NEK3: variants seen among roughly 807,000 people sequenced by gnomAD.
The protein encoded by NEK3 is serine/threonine-protein kinase Nek3.
A neutral mutation model predicts 66.0 loss-of-function variants in NEK3; 54 were observed. The ratio of observed to expected loss-of-function variants is 0.82; its 90% confidence interval spans 0.66 to 1.03. The LOEUF (loss-of-function observed/expected upper bound fraction) is 1.03, where lower values mean the gene tolerates loss of function less well. Ranked by LOEUF, NEK3 falls within the 50% of genes least tolerant of loss-of-function variation. NEK3 has a pLI of 0.00. For synonymous variants in NEK3, 200 were observed against 206.2 expected, an observed-to-expected ratio of 0.97 and a Z score of 0.26; for missense variants, 593 against 603.0, an observed-to-expected ratio of 0.98 and a Z score of 0.17.
chr13:52,145,609 G>T lies in NEK3; in HGVS notation c.604-718C>A, dbSNP rs73500185. ...ATTACACGCATGAGGCACTGCACCT[G>T]GCCAGACTTTTCCAATTTTAAACTT... On this transcript the variant is annotated intron_variant, in intron 8 of 15. Transcript: ENST00000610828. 1.8e-3 allele frequency among the ~76,000 whole-genome samples: 275 copies of T among 152,244 alleles called. 1 individual carries two copies. Among genetic ancestry groups the T allele is most frequent in the African/African-American group, 6.2e-3 (257 of 41,536 alleles).
At chr13:52,158,856 T>C (rs908402862) in intron 1 of NEK3, among the ~76,000 whole-genome samples, 12 of 152,194 alleles carry the variant, frequency 7.9e-5, no homozygotes, top group Non-Finnish European at 1.3e-4. Flanking sequence ...ACTGACTCCA[T>C]CTTGCTTCTA....
intron 15 of NEK3, 115 bp from the exon 16 acceptor site, chr13:52,133,341 A>G: frequency 2.3e-6 from 2 of 886,036 alleles, no homozygotes; most frequent in Non-Finnish European, 3.5e-6. Context: ...ATTGAGTTCC[A>G]TAAGGCAACT....
chr13:52,139,086 T>C (rs1956227949), intron 11 of NEK3, among the ~76,000 whole-genome samples: 3 of 152,234 alleles, frequency 2.0e-5, no homozygotes, highest in Admixed American at 2.0e-4. Context: ...ATGTCACAGT[T>C]GCCCAGGGCT....
chr13:52,145,027 A>AG, intron 8 of NEK3, 136 bp from the exon 9 acceptor site: 1 of 631,258 alleles, frequency 1.6e-6, no homozygotes, highest in Non-Finnish European at 2.7e-6. Flanking sequence ...GGTGTCCTTA[A>AG]GATACCATTA....
At position 52,150,457 on chromosome 13, in the gene NEK3, G is replaced by C. The variant is rs73500190; in HGVS notation, c.548+689C>G. On this transcript the variant is annotated intron_variant, in intron 7 of 15. Transcript: ENST00000610828. Reference sequence around the variant, plus strand: ...ATATAAAATATATCAACCAGTTTTAGGGGGAAAAGTAAATGAAGAAAAAAA... The same window carrying C: ...ATATAAAATATATCAACCAGTTTTACGGGGAAAAGTAAATGAAGAAAAAAA... Among the ~76,000 whole-genome samples the C allele has an allele frequency of 6.6e-3, 1,007 of 152,230 alleles. 8 individuals are homozygous for C. The highest frequency in any genetic ancestry group is 0.022 in the African/African-American group (924 of 41,560).
chr13:52,146,617 T>G (rs1020802100), intron 8 of NEK3, among the ~76,000 whole-genome samples: 2 of 152,220 alleles, frequency 1.3e-5, no homozygotes, highest in East Asian at 3.8e-4. Context: ...ATTTGTAGAC[T>G]ATGGTGGTTC....
intron 7 of NEK3, among the ~76,000 whole-genome samples, chr13:52,149,960 T>C (rs996757943): frequency 4.6e-5 from 7 of 151,980 alleles, no homozygotes; most frequent in Non-Finnish European, 7.4e-5. Flanking sequence ...ACACTTTCCC[T>C]CATAAACACA....
chr13:52,133,645 A>ACACACACC (rs775604347), intron 15 of NEK3, 44 bp downstream of exon 15: 101 of 1,539,650 alleles, frequency 6.6e-5, no homozygotes, highest in African/African-American at 1.5e-4. Context: ...ACACACACAC[A>ACACACACC]CCCCCAACCC....
intron 14 of NEK3, 149 bp from the exon 15 acceptor site, chr13:52,133,964 T>C (rs1956180395): frequency 1.4e-6 from 1 of 727,218 alleles, no homozygotes; most frequent in Non-Finnish European, 2.2e-6. Context: ...TTACCCAACA[T>C]GATTGTAGGC....
intron 11 of NEK3, 131 bp from the exon 12 acceptor site, chr13:52,137,033 AC>A: frequency 1.8e-6 from 1 of 553,856 alleles, no homozygotes; most frequent in Non-Finnish European, 3.1e-6. Flanking sequence ...TAATCATAGA[AC>A]CCCAAGGACA....
chr13:52,137,046 G>A (rs1956212240), intron 11 of NEK3, 144 bp from the exon 12 acceptor site: 1 of 517,256 alleles, frequency 1.9e-6, no homozygotes, highest in Non-Finnish European at 3.3e-6. Context: ...CCAAGGACAT[G>A]TATATTAATA....
intron 11 of NEK3, among the ~76,000 whole-genome samples, chr13:52,138,708 T>C (rs772874417): frequency 2.6e-5 from 4 of 152,078 alleles, no homozygotes; most frequent in Non-Finnish European, 4.4e-5. Context: ...GGTGGGAGGA[T>C]CACTTAAGCC....
At chr13:52,152,350 G>C (rs1956354651) in intron 5 of NEK3, among the ~76,000 whole-genome samples, 1 of 152,120 alleles carries the variant, frequency 6.6e-6, no homozygotes. Context: ...CAACAGATAT[G>C]TTAATTACCT....
chr13:52,153,618 A>G (rs1956365135), intron 4 of NEK3, among the ~76,000 whole-genome samples: 1 of 152,128 alleles, frequency 6.6e-6, no homozygotes, highest in African/African-American at 2.4e-5. Context: ...GATTTTAAAT[A>G]TCTAGTACAA....
At chr13:52,152,404 G>T (rs1040921411) in intron 5 of NEK3, among the ~76,000 whole-genome samples, 1 of 151,998 alleles carries the variant, frequency 6.6e-6, no homozygotes, top group Non-Finnish European at 1.5e-5. Flanking sequence ...TATATAACAC[G>T]TTGTACGTCA....
chr13:52,137,617 C>G (rs1956216258), intron 11 of NEK3, among the ~76,000 whole-genome samples: 1 of 152,188 alleles, frequency 6.6e-6, no homozygotes, highest in African/African-American at 2.4e-5. Flanking sequence ...AGTGGTAGCT[C>G]ACTTACAGCA....
At chr13:52,154,718 T>C (rs1032188437) in intron 2 of NEK3, among the ~76,000 whole-genome samples, 4 of 151,358 alleles carry the variant, frequency 2.6e-5, no homozygotes, top group Non-Finnish European at 2.9e-5. Flanking sequence ...TAACTTACTC[T>C]ATGAGGATGA....
In NEK3 at chr13:52,151,249, G is replaced by T; in HGVS notation, c.462-17C>A. On this transcript the variant is annotated splice_polypyrimidine_tract_variant and intron_variant, in intron 6 of 15. Transcript: ENST00000610828. ...GCCATCGGACTAAAACCATAAAAAG[G>T]CAACGAATGATTACAGAACATTCCT... The T allele has an allele frequency of 6.2e-7, 1 of 1,601,630 alleles. No homozygotes were observed. The highest frequency in any genetic ancestry group is 8.5e-7 in the Non-Finnish European group (1 of 1,173,810).
At chr13:52,159,775 G>GT (rs901495019), upstream of NEK3, 14 of 152,290 alleles carry the variant, frequency 9.2e-5, no homozygotes, top group African/African-American at 3.4e-4. Flanking sequence ...GACTAACTGA[G>GT]TTCTGTCTGC....
Sources: allele counts gnomAD v4.1 joint callset (sites outside exome capture counted in the v4.1 genomes callset), GRCh38; gene constraint gnomAD v4.1.1; transcripts MANE v1.5; gene names NCBI Gene and HGNC (gene_info 2026-07-23, HGNC 2026-07-21).